The following THSD7A variants were observed in gnomAD, a reference collection of about 807,000 sequenced individuals.
THSD7A encodes thrombospondin type-1 domain-containing protein 7A.
THSD7A carries 96 observed loss-of-function variants against 231.3 expected under a neutral mutation model. The ratio of observed to expected loss-of-function variants is 0.41; its 90% CI spans 0.35 to 0.49. The LOEUF (loss-of-function observed/expected upper bound fraction) is 0.49. Among genes scored for constraint, THSD7A ranks in the 20% least tolerant of loss-of-function variants. The probability of loss-of-function intolerance (pLI) is 0.05; values close to 1 mark genes in which losing one functional copy is unlikely to be tolerated. For synonymous variants in THSD7A, 940 were observed against 743.3 expected, an observed-to-expected ratio of 1.26 and a Z score of -4.30; for missense variants, 2,290 against 2,070.2, an observed-to-expected ratio of 1.11 and a Z score of -2.06.
At chr7:11,430,815 G>C (rs1000609597) in intron 13 of THSD7A, among the ~76,000 whole-genome samples, 15 of 152,090 alleles carry the variant, frequency 9.9e-5, no homozygotes, top group Non-Finnish European at 1.9e-4. Context: ...TTATGTTATA[G>C]CATGTATCAG....
chr7:11,425,482 A>T (rs1784287658), intron 15 of THSD7A, among the ~76,000 whole-genome samples: 1 of 152,096 alleles, frequency 6.6e-6, no homozygotes, highest in African/African-American at 2.4e-5. Context: ...GGGCCACATG[A>T]AACAAGGCAA....
Position 11,375,686 on chromosome 7 carries a change from A to AAATT in THSD7A, c.*104_*107dup. 1.1e-6 allele frequency: 1 copy of AAATT among 924,040 alleles called. No homozygotes were observed. Among genetic ancestry groups the AAATT allele is most frequent in the Non-Finnish European group, 1.7e-6 (1 of 601,134 alleles). The allele number at this position is 924,040 out of a possible 1,614,324, so 57.2% of individuals were successfully genotyped here. A position where few individuals can be genotyped will look rare whatever the true frequency, so the allele number is the denominator to read the frequency against. ...CTTGTCTTTATGATGCCATTTTTAA[A>AAATT]AATTAAAATATATTTTAATCCACAC... On this transcript the variant is annotated 3_prime_UTR_variant, in exon 28 of 28. Transcript: ENST00000423059.
intron 1 of THSD7A, among the ~76,000 whole-genome samples, chr7:11,727,051 A>G (rs1384303934): frequency 6.6e-6 from 1 of 151,926 alleles, no homozygotes; most frequent in Non-Finnish European, 1.5e-5. Context: ...CATCCAAATT[A>G]CTTTTGCATT....
intron 1 of THSD7A, chr7:11,821,057 A>G: frequency 1.0e-6 from 1 of 989,030 alleles, no homozygotes; most frequent in East Asian, 2.4e-5. Flanking sequence ...GAGCCAAACC[A>G]TGTTTTATGA....
intron 1 of THSD7A, among the ~76,000 whole-genome samples, chr7:11,662,765 C>A (rs1448143537): frequency 6.6e-6 from 1 of 151,254 alleles, no homozygotes; most frequent in Non-Finnish European, 1.5e-5. Flanking sequence ...AACAAAGAGA[C>A]AAGTGGAAAT....
chr7:11,820,599 C>A, intron 1 of THSD7A: 1 of 730,028 alleles, frequency 1.4e-6, no homozygotes, highest in Non-Finnish European at 2.4e-6. Context: ...TCTGTCCTGG[C>A]CTCTTCCTCT....
intron 11 of THSD7A, among the ~76,000 whole-genome samples, chr7:11,451,011 T>C (rs1364287264): frequency 6.6e-6 from 1 of 152,060 alleles, no homozygotes; most frequent in African/African-American, 2.4e-5. Flanking sequence ...TTAAGTGATA[T>C]AGGACAGGCT....
intron 1 of THSD7A, among the ~76,000 whole-genome samples, chr7:11,690,474 G>A (rs1780198626): frequency 6.6e-6 from 1 of 151,718 alleles, no homozygotes; most frequent in Non-Finnish European, 1.5e-5. Flanking sequence ...TGGTTCTCTG[G>A]TATTTTATCT....
intron 14 of THSD7A, among the ~76,000 whole-genome samples, chr7:11,427,878 T>G (rs1377712720): frequency 6.6e-6 from 1 of 151,782 alleles, no homozygotes; most frequent in Non-Finnish European, 1.5e-5. Context: ...AGCAAGGGAG[T>G]GTGTTATTTA....
intron 1 of THSD7A, among the ~76,000 whole-genome samples, chr7:11,687,489 A>G (rs1477514946): frequency 6.6e-6 from 1 of 151,840 alleles, no homozygotes; most frequent in Non-Finnish European, 1.5e-5. Flanking sequence ...AGCTCAGACA[A>G]CCTTAAAATA....
At chr7:11,388,085 C>G (rs1208366563) in intron 23 of THSD7A, among the ~76,000 whole-genome samples, 1 of 152,006 alleles carries the variant, frequency 6.6e-6, no homozygotes, top group African/African-American at 2.4e-5. Context: ...TTTTGATGTG[C>G]TACTGGATTC....
chr7:11,372,383 A>G lies in THSD7A; in HGVS notation c.*3411T>C, dbSNP rs1782089739. On this transcript the variant is annotated 3_prime_UTR_variant, in exon 28 of 28. Coordinates refer to ENST00000423059, the MANE Select transcript of THSD7A (RefSeq NM_015204.3). ...GCCTAGCAGAATGTCTTATATGTCA[A>G]TAAATATTTGCCTTGTTAGAAGTAA... 1 of 150,524 alleles carries G rather than the reference A, an allele frequency of 6.6e-6. No homozygotes were observed. The highest frequency in any genetic ancestry group is 2.4e-5 in the African/African-American group (1 of 40,894). 9.3% of individuals were successfully genotyped at this position (150,524 alleles called of 1,614,324 possible).
intron 6 of THSD7A, among the ~76,000 whole-genome samples, chr7:11,522,135 G>A (rs1788291574): frequency 6.6e-6 from 1 of 152,154 alleles, no homozygotes; most frequent in African/African-American, 2.4e-5. Context: ...GAGGGAAACT[G>A]AAAGTGAGTG....
At position 11,832,126 on chromosome 7, in the gene THSD7A, T is replaced by G; in HGVS notation, c.-180A>C. 55 of 343,260 alleles carry G rather than the reference T, an allele frequency of 1.6e-4. No homozygotes were observed. The highest frequency in any genetic ancestry group is 9.3e-5 in the Non-Finnish European group (19 of 203,914). 21.3% of individuals were successfully genotyped at this position (343,260 alleles called of 1,614,324 possible). ...CAGGGAACAATAGCGTCCGCGGTGGTGGCCGTGGCCGCTGCCGCCGCCGCC... is the reference window on the plus strand; with the variant it reads ...CAGGGAACAATAGCGTCCGCGGTGGGGGCCGTGGCCGCTGCCGCCGCCGCC... On this transcript the variant is annotated 5_prime_UTR_variant, in exon 1 of 28. Coordinates refer to ENST00000423059, the MANE Select transcript of THSD7A (RefSeq NM_015204.3).
At chr7:11,824,649 T>C (rs1784973058) in intron 1 of THSD7A, among the ~76,000 whole-genome samples, 2 of 152,150 alleles carry the variant, frequency 1.3e-5, no homozygotes, top group South Asian at 4.1e-4. Flanking sequence ...AATTTGACTT[T>C]TTGATCCAAC....
intron 6 of THSD7A, among the ~76,000 whole-genome samples, chr7:11,500,525 C>G (rs1171859715): frequency 6.6e-6 from 1 of 151,948 alleles, no homozygotes; most frequent in Admixed American, 6.5e-5. Flanking sequence ...GAGTGGCAAG[C>G]TGGATAAAAA....
At chr7:11,495,052 G>A (rs1393260664) in intron 6 of THSD7A, among the ~76,000 whole-genome samples, 3 of 151,938 alleles carry the variant, frequency 2.0e-5, no homozygotes, top group African/African-American at 4.8e-5. Context: ...CAGTGTAATT[G>A]TTTTTGACAT....
intron 1 of THSD7A, among the ~76,000 whole-genome samples, chr7:11,686,808 A>T (rs1780072391): frequency 6.6e-6 from 1 of 151,918 alleles, no homozygotes; most frequent in South Asian, 2.1e-4. Flanking sequence ...AAAGATGGCA[A>T]CAATAAAAAC....
intron 1 of THSD7A, among the ~76,000 whole-genome samples, chr7:11,643,955 C>T (rs1782186987): frequency 6.6e-6 from 1 of 151,756 alleles, no homozygotes; most frequent in Non-Finnish European, 1.5e-5. Context: ...TTTCTCTCAG[C>T]CTCTAATATT....
Sources: gnomAD v4.1 joint callset for allele counts (sites outside exome capture counted in the v4.1 genomes callset) on GRCh38, gnomAD v4.1.1 for gene constraint, MANE v1.5 for transcripts, NCBI Gene and HGNC (gene_info 2026-07-23, HGNC 2026-07-21) for gene names.